Variants in UNC5B observed in about 807,000 individuals in gnomAD.
UNC5B encodes the protein unc-5 netrin receptor B.
UNC5B carries 56 observed loss-of-function variants against 103.7 expected under a neutral mutation model. The ratio of observed to expected loss-of-function variants is 0.54; its 90% CI spans 0.44 to 0.67. The LOEUF (loss-of-function observed/expected upper bound fraction) is 0.67. UNC5B is among the 30% of genes least tolerant of loss of function. The pLI, the probability that UNC5B is intolerant of heterozygous loss-of-function variation, is 0.00. For missense variants in UNC5B, 1,194 were observed against 1,284.5 expected (o/e 0.93, Z 1.08); for synonymous variants, 577 against 542.0 (o/e 1.06, Z -0.90).
At chr10:71,272,263 G>A (rs146783078) in intron 1 of UNC5B, among the ~76,000 whole-genome samples, 167 of 152,218 alleles carry the variant, frequency 1.1e-3, no homozygotes, top group African/African-American at 3.6e-3. Flanking sequence ...AGCGTGGGGC[G>A]TTTCTCTGTC....
rs1845580184 is a variant in UNC5B at position 71,301,307 on chromosome 10, C to T, written c.*2030C>T. On this transcript the variant is annotated 3_prime_UTR_variant, in exon 17 of 17. Transcript: ENST00000335350. ...AGCTCGTGGGGCTTCTTACCACCCACCAGCCCCGCTGGGGTGCGGCCTGGC... is the reference window on the plus strand; with the variant it reads ...AGCTCGTGGGGCTTCTTACCACCCATCAGCCCCGCTGGGGTGCGGCCTGGC... 2 of 152,330 alleles carry T rather than the reference C, an allele frequency of 1.3e-5. No individual in the cohort carries two copies. The highest frequency in any genetic ancestry group is 6.8e-3 in the Middle Eastern group (2 of 294). The allele number at this position is 152,330 out of a possible 1,614,324, so 9.4% of individuals were successfully genotyped here. A position where few individuals can be genotyped will look rare whatever the true frequency, so the allele number is the denominator to read the frequency against.
intron 1 of UNC5B, among the ~76,000 whole-genome samples, chr10:71,222,531 G>T (rs545843008): frequency 3.6e-5 from 5 of 138,492 alleles, no homozygotes; most frequent in Admixed American, 1.4e-4. Flanking sequence ...TCCACCCCCC[G>T]ATTTGGCTGA....
At chr10:71,285,010 C>T in intron 3 of UNC5B, 147 bp downstream of exon 3, 3 of 1,244,934 alleles carry the variant, frequency 2.4e-6, no homozygotes, top group Non-Finnish European at 3.3e-6. Context: ...ACATGGATGC[C>T]AGCTCAGAGA....
At chr10:71,283,282 T>C (rs899258560) in intron 2 of UNC5B, among the ~76,000 whole-genome samples, 2 of 152,218 alleles carry the variant, frequency 1.3e-5, no homozygotes, top group African/African-American at 2.4e-5. Flanking sequence ...AAGAAGCTGG[T>C]TGAGATCCAG....
At position 71,291,549 on chromosome 10, in the gene UNC5B, C is replaced by G. The variant is rs200001607; in HGVS notation, c.1412C>G (p.Ser471Cys). 7.4e-6 allele frequency: 12 copies of G among 1,614,212 alleles called. No individual in the cohort carries two copies. The East Asian group carries it at 2.5e-4, about 33-fold the overall frequency. The change falls in exon 10 of 17, where the codon TCT becomes TGT. Residue 471 changes from serine to cysteine, a missense_variant. Transcript: ENST00000335350. ...DSTDKIPMTN[S>C]PLLDPLPSLK... ...ACCGACAAAATCCCCATGACCAACT[C>G]TCCTCTGCTGGACCCCTTACCCAGC...
At chr10:71,258,042 T>A (rs1844331604) in intron 1 of UNC5B, among the ~76,000 whole-genome samples, 1 of 152,092 alleles carries the variant, frequency 6.6e-6, no homozygotes, top group South Asian at 2.1e-4. Context: ...TTTTTGAGAG[T>A]TCACCTGATG....
At chr10:71,233,970 C>T (rs1174817742) in intron 1 of UNC5B, among the ~76,000 whole-genome samples, 2 of 152,204 alleles carry the variant, frequency 1.3e-5, no homozygotes, top group Non-Finnish European at 2.9e-5. Flanking sequence ...CACACAGGCA[C>T]ACTTGATTTG....
chr10:71,264,719 C>T (rs1844485805), intron 1 of UNC5B, among the ~76,000 whole-genome samples: 1 of 152,164 alleles, frequency 6.6e-6, no homozygotes, highest in African/African-American at 2.4e-5. Context: ...AATGTACATT[C>T]TCAAGGCCCA....
At position 71,212,888 on chromosome 10, in the gene UNC5B, C is replaced by A; in HGVS notation, c.-98C>A. The A allele has an allele frequency of 9.8e-7, 1 of 1,023,396 alleles. No homozygotes were observed. Among genetic ancestry groups the A allele is most frequent in the Non-Finnish European group, 1.3e-6 (1 of 798,076 alleles). 63.4% of individuals were successfully genotyped at this position (1,023,396 alleles called of 1,614,324 possible). On this transcript the variant is annotated 5_prime_UTR_variant, in exon 1 of 17. Transcript: ENST00000335350. ...TGGCGCTGCCGGGCGCCGGGGAGGACGGCGAGGAGGAGGCGGCGGCGGCGG... is the reference window on the plus strand; with the variant it reads ...TGGCGCTGCCGGGCGCCGGGGAGGAAGGCGAGGAGGAGGCGGCGGCGGCGG...
chr10:71,286,863 G>A lies in UNC5B; in HGVS notation c.727G>A (p.Val243Ile), dbSNP rs143653939. Residue 243 changes from valine to isoleucine, a missense_variant, in exon 5 of 17, where the codon GTC (valine) becomes ATC (isoleucine). Transcript: ENST00000335350. ...KRRSTTATVIVYVNGGWSSWA... is the reference protein window; with the variant it reads ...KRRSTTATVIIYVNGGWSSWA... ...CCGGAGCACCACTGCCACCGTCATC[G>A]TCTACGGTGCGGGCCTTTCGGAGTG... The A allele has an allele frequency of 1.4e-4, 225 of 1,613,954 alleles. No individual in the cohort carries two copies. The African/African-American group carries it at 2.5e-3, about 18-fold the overall frequency.
intron 1 of UNC5B, among the ~76,000 whole-genome samples, chr10:71,235,486 G>A (rs1010939171): frequency 1.3e-5 from 2 of 152,240 alleles, no homozygotes; most frequent in Admixed American, 6.5e-5. Context: ...GGGACAGAGG[G>A]TGGGGTTCCT....
At chr10:71,270,883 T>A (rs551428709) in intron 1 of UNC5B, among the ~76,000 whole-genome samples, 1 of 152,124 alleles carries the variant, frequency 6.6e-6, no homozygotes, top group East Asian at 1.9e-4. Flanking sequence ...GCCATTGCCT[T>A]AGGGGGACAG....
chr10:71,278,131 G>A (rs969284788), intron 1 of UNC5B, among the ~76,000 whole-genome samples: 1 of 152,208 alleles, frequency 6.6e-6, no homozygotes, highest in African/African-American at 2.4e-5. Context: ...CTAAAATGGG[G>A]TCTAATAGAA....
chr10:71,287,853 C>T (rs1271720172), intron 6 of UNC5B, 88 bp downstream of exon 6: 20 of 1,512,168 alleles, frequency 1.3e-5, no homozygotes, highest in Non-Finnish European at 1.6e-5. Context: ...CCATTCTCTC[C>T]CCAGCATGGG....
intron 10 of UNC5B, 45 bp downstream of exon 10, chr10:71,291,866 C>T: frequency 6.5e-7 from 1 of 1,544,010 alleles, no homozygotes; most frequent in South Asian, 1.2e-5. Context: ...CTTAGCACCT[C>T]CTCTGTGGAC....
chr10:71,275,717 TG>T (rs1412121828), intron 1 of UNC5B, among the ~76,000 whole-genome samples: 1 of 152,054 alleles, frequency 6.6e-6, no homozygotes, highest in Non-Finnish European at 1.5e-5. Context: ...CATAGGCTTG[TG>T]GTTCCCAAAC....
intron 1 of UNC5B, among the ~76,000 whole-genome samples, chr10:71,226,983 C>CTT (rs34048995): frequency 0.24 from 34,339 of 142,560 alleles, 5,058 homozygotes; most frequent in Non-Finnish European, 0.34. Flanking sequence ...GACCATTCTT[C>CTT]TTTTTTTTTT....
chr10:71,267,450 G>A (rs142818121), intron 1 of UNC5B, among the ~76,000 whole-genome samples: 1 of 152,318 alleles, frequency 6.6e-6, no homozygotes, highest in Non-Finnish European at 1.5e-5. Context: ...GCTATGGAGT[G>A]ATTTCTGCAC....
intron 1 of UNC5B, among the ~76,000 whole-genome samples, chr10:71,269,154 A>G (rs1844587799): frequency 6.6e-6 from 1 of 152,062 alleles, no homozygotes; most frequent in South Asian, 2.1e-4. Context: ...TTAGGTAACT[A>G]AATATTCATG....
Sources: gnomAD v4.1 joint callset for allele counts (sites outside exome capture counted in the v4.1 genomes callset) on GRCh38, gnomAD v4.1.1 for gene constraint, MANE v1.5 for transcripts, NCBI Gene and HGNC (gene_info 2026-07-23, HGNC 2026-07-21) for gene names.